The following PALLD variants were observed in gnomAD, a reference collection of about 807,000 sequenced individuals.
PALLD encodes palladin, cytoskeletal associated protein.
Under a neutral mutation model 123.5 loss-of-function variants are expected in PALLD, and 61 were observed. That is an observed-to-expected ratio of 0.49 (90% CI 0.40 to 0.61). The LOEUF (loss-of-function observed/expected upper bound fraction) is 0.61, where lower values mean the gene tolerates loss of function less well. PALLD is among the 20% of genes least tolerant of loss of function. The pLI is 0.00. For synonymous variants in PALLD, 465 were observed against 496.4 expected, an observed-to-expected ratio of 0.94 and a Z score of 0.84; for missense variants, 1,273 against 1,377.0, an observed-to-expected ratio of 0.92 and a Z score of 1.20.
At position 168,504,279 on chromosome 4, in the gene PALLD, C is replaced by T. The variant is rs570951658; in HGVS notation, c.-83+7085C>T. ...CTCCATGGTGAAGAACATAATGCTA[C>T]GCAACTTCAAGCAAATTAAAAAACA... On this transcript the variant is annotated intron_variant, in intron 1 of 21. Coordinates refer to ENST00000505667, the MANE Select transcript of PALLD (RefSeq NM_001166108.2). Among the ~76,000 whole-genome samples, 9 of 152,218 alleles carry T rather than the reference C, an allele frequency of 5.9e-5. No individual in the cohort carries two copies. In the South Asian group the frequency reaches 8.3e-4, roughly 14 times the overall value.
intron 6 of PALLD, 34 bp from the exon 7 acceptor site, chr4:168,690,569 G>A (rs1470525306): frequency 6.2e-7 from 1 of 1,613,808 alleles, no homozygotes; most frequent in Non-Finnish European, 8.5e-7. Flanking sequence ...ACCAAAGTCT[G>A]ATGGGGTTTT....
At chr4:168,894,536 AT>A in intron 11 of PALLD, 42 bp from the exon 12 acceptor site, 3 of 1,310,298 alleles carry the variant, frequency 2.3e-6, no homozygotes, top group East Asian at 2.4e-5. Context: ...CATATTTGTG[AT>A]TTTTTTCTAA....
chr4:168,533,487 T>C (rs1244487064), intron 2 of PALLD, among the ~76,000 whole-genome samples: 1 of 152,208 alleles, frequency 6.6e-6, no homozygotes, highest in Non-Finnish European at 1.5e-5. Flanking sequence ...CCTACAAGTC[T>C]GAATGACTAG....
intron 2 of PALLD, among the ~76,000 whole-genome samples, chr4:168,542,534 T>G (rs1352789551): frequency 2.6e-5 from 4 of 151,506 alleles, no homozygotes; most frequent in Non-Finnish European, 5.9e-5. Context: ...GAAACTAGTC[T>G]TTTACCTAAC....
intron 2 of PALLD, among the ~76,000 whole-genome samples, chr4:168,557,287 GC>G (rs1767418775): frequency 1.3e-5 from 2 of 152,142 alleles, no homozygotes; most frequent in African/African-American, 4.8e-5. Context: ...CAGGTGATCT[GC>G]CCATCTCAGC....
chr4:168,580,667 T>G (rs62335503), intron 2 of PALLD, among the ~76,000 whole-genome samples: 14,006 of 152,098 alleles, frequency 0.092, 890 homozygotes, highest in South Asian at 0.18. Flanking sequence ...TAAAGACATA[T>G]GTATGCATAT....
At position 168,501,621 on chromosome 4, in the gene PALLD, G is replaced by T. The variant is rs557816447; in HGVS notation, c.-83+4427G>T. ...CAAACCTTTGCTTCACCAAATGTTT[G>T]CTTAAGATGAAGAGTTTGGCATTAG... On this transcript the variant is annotated intron_variant, in intron 1 of 21. Transcript: ENST00000505667. Among the ~76,000 whole-genome samples the T allele has an allele frequency of 2.6e-5, 4 of 152,268 alleles. No individual in the cohort carries two copies. In the East Asian group the frequency reaches 7.7e-4, roughly 29 times the overall value.
At chr4:168,643,532 C>G (rs1047048573) in intron 2 of PALLD, among the ~76,000 whole-genome samples, 4 of 152,152 alleles carry the variant, frequency 2.6e-5, no homozygotes, top group African/African-American at 9.7e-5. Flanking sequence ...AGCCATTAAT[C>G]AAGGCACCCA....
intron 2 of PALLD, among the ~76,000 whole-genome samples, chr4:168,532,498 A>G (rs926673479): frequency 2.6e-5 from 4 of 151,284 alleles, no homozygotes; most frequent in Admixed American, 2.6e-4. Flanking sequence ...AAAAAACTTT[A>G]GGAGAGAAGA....
At chr4:168,742,794 T>C (rs543692979) in intron 10 of PALLD, among the ~76,000 whole-genome samples, 4 of 152,328 alleles carry the variant, frequency 2.6e-5, no homozygotes, top group East Asian at 1.9e-4. Flanking sequence ...TAAGCTCTGA[T>C]TGACAGTTGT....
At chr4:168,878,051 A>C in intron 10 of PALLD, 2 of 1,482,340 alleles carry the variant, frequency 1.3e-6, no homozygotes, top group South Asian at 1.3e-5. Flanking sequence ...CCCGTCGCCC[A>C]TGTCCCCGAC....
chr4:168,580,048 C>A (rs921069391), intron 2 of PALLD, among the ~76,000 whole-genome samples: 1 of 151,980 alleles, frequency 6.6e-6, no homozygotes, highest in Non-Finnish European at 1.5e-5. Context: ...ACCATCCAAA[C>A]CCTGGCAACC....
At chr4:168,916,119 G>C in intron 17 of PALLD, 92 bp downstream of exon 17, 1 of 1,279,846 alleles carries the variant, frequency 7.8e-7, no homozygotes, top group Non-Finnish European at 1.1e-6. Flanking sequence ...ATTACATAAA[G>C]TATAAAATGA....
intron 10 of PALLD, among the ~76,000 whole-genome samples, chr4:168,858,148 G>C (rs1748881939): frequency 6.6e-6 from 1 of 152,184 alleles, no homozygotes; most frequent in Non-Finnish European, 1.5e-5. Flanking sequence ...TTCATGGAGG[G>C]GGGCCAGGTT....
At chr4:168,668,401 G>A in intron 3 of PALLD, 33 bp downstream of exon 3, 1 of 1,558,284 alleles carries the variant, frequency 6.4e-7, no homozygotes, top group South Asian at 1.2e-5. Flanking sequence ...GGGGGATAAA[G>A]GGGTGTCAAT....
At chr4:168,781,640 G>A (rs371072931) in intron 10 of PALLD, among the ~76,000 whole-genome samples, 8 of 152,274 alleles carry the variant, frequency 5.3e-5, no homozygotes, top group African/African-American at 1.7e-4. Flanking sequence ...TGATGCAGGC[G>A]CTGGGCTGTA....
At chr4:168,680,310 T>C (rs553769635) in intron 3 of PALLD, among the ~76,000 whole-genome samples, 1 of 149,338 alleles carries the variant, frequency 6.7e-6, no homozygotes, top group African/African-American at 2.5e-5. Flanking sequence ...AAACCCCATC[T>C]CTGCTAAAAA....
At chr4:168,849,988 A>G (rs902954972) in intron 10 of PALLD, among the ~76,000 whole-genome samples, 2 of 152,216 alleles carry the variant, frequency 1.3e-5, no homozygotes, top group African/African-American at 4.8e-5. Flanking sequence ...GTCATAAAAT[A>G]CAATGAATAA....
rs1784858332 is a variant in PALLD, at chr4:168,711,749, C to A, written c.1790C>A (p.Ala597Glu). The change falls in exon 10 of 22, where the codon GCA (alanine) becomes GAA (glutamate). Residue 597 changes from alanine (A) to glutamate (E), a missense_variant. Ala to Glu is a moderately radical substitution (Grantham distance 107, BLOSUM62 -1). Transcript: ENST00000505667. ...VNNPELGLSR[A>E]ALQMQFNAAE... is the part of the protein sequence containing the mutation. Reference sequence around the variant, plus strand: ...AACCCTGAGTTAGGCCTGAGCAGGGCAGCCCTTCAAATGCAATTCAATGCT... The same window carrying A: ...AACCCTGAGTTAGGCCTGAGCAGGGAAGCCCTTCAAATGCAATTCAATGCT... 3 of 1,614,014 alleles carry A rather than the reference C, an allele frequency of 1.9e-6. No homozygotes were observed. The African/African-American group carries it at 4.0e-5, about 22-fold the overall frequency.
Sources: gnomAD v4.1 joint callset for allele counts (sites outside exome capture counted in the v4.1 genomes callset) on GRCh38, gnomAD v4.1.1 for gene constraint, MANE v1.5 for transcripts, NCBI Gene and HGNC (gene_info 2026-07-23, HGNC 2026-07-21) for gene names.